Variants in C12orf56 observed in about 807,000 individuals in gnomAD.
C12orf56 encodes the protein chromosome 12 open reading frame 56, also known as uncharacterized protein C12orf56.
Under a neutral mutation model 69.9 loss-of-function variants are expected in C12orf56, and 71 were observed. That is an observed-to-expected ratio of 1.02 (90% CI 0.84 to 1.24). The LOEUF (loss-of-function observed/expected upper bound fraction) is 1.24, where lower values mean the gene tolerates loss of function less well. Ranked by LOEUF, C12orf56 falls within the 50% of genes most tolerant of loss-of-function variation. C12orf56 has a pLI of 0.00. For synonymous variants in C12orf56, 276 were observed against 274.1 expected, an observed-to-expected ratio of 1.01 and a Z score of -0.07; for missense variants, 732 against 738.5, an observed-to-expected ratio of 0.99 and a Z score of 0.10.
intron 1 of C12orf56, among the ~76,000 whole-genome samples, chr12:64,354,837 G>A (rs1362434096): frequency 1.3e-5 from 2 of 149,094 alleles, no homozygotes; most frequent in Non-Finnish European, 3.0e-5. Context: ...CCAGAGCTTT[G>A]GGAGGCTGAG....
chr12:64,327,723 G>A (rs930379488), intron 3 of C12orf56, among the ~76,000 whole-genome samples: 2 of 152,156 alleles, frequency 1.3e-5, no homozygotes, highest in African/African-American at 2.4e-5. Context: ...GTCTCAATGC[G>A]CATTTTAAGC....
chr12:64,280,963 T>C (rs2038115215), intron 8 of C12orf56, among the ~76,000 whole-genome samples: 1 of 152,196 alleles, frequency 6.6e-6, no homozygotes, highest in Non-Finnish European at 1.5e-5. Flanking sequence ...TAATTTGTTA[T>C]ATGGCAATAG....
At chr12:64,275,984 A>G (rs2038045199) in intron 9 of C12orf56, among the ~76,000 whole-genome samples, 1 of 126,310 alleles carries the variant, frequency 7.9e-6, no homozygotes, top group South Asian at 2.9e-4. Flanking sequence ...CTTCCTTTCA[A>G]GAATGTAGAA....
chr12:64,357,823 C>G (rs151130670), intron 1 of C12orf56, among the ~76,000 whole-genome samples: 1 of 152,042 alleles, frequency 6.6e-6, no homozygotes, highest in African/African-American at 2.4e-5. Context: ...ATCGCTTGAA[C>G]CTGGAGACAG....
At chr12:64,328,679 CAAAAAAAAA>C (rs59688148) in intron 3 of C12orf56, among the ~76,000 whole-genome samples, 4 of 57,908 alleles carry the variant, frequency 6.9e-5, no homozygotes, top group East Asian at 5.7e-4. Context: ...GACTCCATCT[CAAAAAAAAA>C]AAAAAAAAAA....
chr12:64,379,197 A>G (rs1339192215), intron 1 of C12orf56, among the ~76,000 whole-genome samples: 1 of 152,194 alleles, frequency 6.6e-6, no homozygotes, highest in Non-Finnish European at 1.5e-5. Flanking sequence ...TGACCAATAC[A>G]CTGTCCTTAC....
At chr12:64,367,361 ATATATAGTT>A (rs1386795044) in intron 1 of C12orf56, among the ~76,000 whole-genome samples, 4 of 141,632 alleles carry the variant, frequency 2.8e-5, no homozygotes, top group Non-Finnish European at 4.5e-5. Flanking sequence ...ATATTATATT[ATATATAGTT>A]TAGTTTATAT....
chr12:64,268,783 G>A (rs1162977), intron 12 of C12orf56, among the ~76,000 whole-genome samples: 3 of 151,888 alleles, frequency 2.0e-5, no homozygotes, highest in Non-Finnish European at 4.4e-5. Flanking sequence ...TTGTTTGGAC[G>A]AGCTCAGAGC....
chr12:64,322,003 A>ATTT (rs1252618224), intron 3 of C12orf56, among the ~76,000 whole-genome samples: 1 of 130,260 alleles, frequency 7.7e-6, no homozygotes, highest in African/African-American at 2.7e-5. Context: ...CATTTATTTA[A>ATTT]TTTATTATTA....
At chr12:64,352,120 T>TG (rs1565770223) in intron 2 of C12orf56, among the ~76,000 whole-genome samples, 13 of 148,458 alleles carry the variant, frequency 8.8e-5, no homozygotes, top group East Asian at 6.1e-4. Flanking sequence ...TTTTTTGTTT[T>TG]TTTTTTTACC....
intron 12 of C12orf56, among the ~76,000 whole-genome samples, chr12:64,269,567 TATC>T (rs1399135128): frequency 6.6e-6 from 1 of 151,030 alleles, no homozygotes; most frequent in East Asian, 2.0e-4. Context: ...CATAATTTAT[TATC>T]CTCTTCAGTG....
At chr12:64,338,621 T>A (rs1373220666) in intron 2 of C12orf56, 2 of 1,590,538 alleles carry the variant, frequency 1.3e-6, no homozygotes, top group African/African-American at 2.7e-5. Context: ...CTCTTTCTTC[T>A]CATAATATTC....
At chr12:64,314,930 C>T (rs934506604) in intron 4 of C12orf56, among the ~76,000 whole-genome samples, 1 of 139,318 alleles carries the variant, frequency 7.2e-6, no homozygotes, top group Non-Finnish European at 1.5e-5. Flanking sequence ...CCACCGCATC[C>T]GGCCAGCTTT....
chr12:64,335,852 T>A (rs1377086636), intron 2 of C12orf56, among the ~76,000 whole-genome samples: 2 of 152,218 alleles, frequency 1.3e-5, no homozygotes, highest in Non-Finnish European at 2.9e-5. Flanking sequence ...CATGGGCACC[T>A]GTATCACATG....
intron 2 of C12orf56, among the ~76,000 whole-genome samples, chr12:64,348,243 A>G (rs1592475312): frequency 6.6e-6 from 1 of 152,022 alleles, no homozygotes; most frequent in Non-Finnish European, 1.5e-5. Context: ...ATGCTGTTGC[A>G]CTCCAGCCTA....
chr12:64,316,039 TC>T (rs2136832832), intron 4 of C12orf56, among the ~76,000 whole-genome samples: 1 of 152,274 alleles, frequency 6.6e-6, no homozygotes, highest in East Asian at 1.9e-4. Context: ...TTATTCATTT[TC>T]CATCTTTCAA....
chr12:64,324,550 G>A (rs1170512957), intron 3 of C12orf56, among the ~76,000 whole-genome samples: 1 of 152,198 alleles, frequency 6.6e-6, no homozygotes, highest in East Asian at 1.9e-4. Flanking sequence ...GCTGGAAAGA[G>A]TTTGCAGTGC....
intron 1 of C12orf56, among the ~76,000 whole-genome samples, chr12:64,365,577 A>G (rs1344369866): frequency 2.0e-5 from 3 of 151,336 alleles, no homozygotes; most frequent in Non-Finnish European, 4.4e-5. Context: ...AATGAAGCCT[A>G]TGCTCTCAAC....
intron 2 of C12orf56, among the ~76,000 whole-genome samples, chr12:64,343,242 A>G (rs560608015): frequency 8.5e-5 from 13 of 152,186 alleles, no homozygotes; most frequent in Admixed American, 7.8e-4. Context: ...TTTTAGTCGG[A>G]TTTTTTTCCT....
Sources: gnomAD v4.1 joint callset for allele counts (sites outside exome capture counted in the v4.1 genomes callset) on GRCh38, gnomAD v4.1.1 for gene constraint, MANE v1.5 for transcripts, NCBI Gene and HGNC (gene_info 2026-07-23, HGNC 2026-07-21) for gene names.